The following PCDHGB1 variants were observed in gnomAD, a reference collection of about 807,000 sequenced individuals.
PCDHGB1 encodes protocadherin gamma-B1.
A neutral mutation model predicts 56.6 loss-of-function variants in PCDHGB1; 34 were observed. The observed-to-expected ratio is 0.60, with a 90% CI of 0.46 to 0.80. The LOEUF (loss-of-function observed/expected upper bound fraction) is 0.80. PCDHGB1 is among the 30% of genes least tolerant of loss of function. PCDHGB1 has a pLI of 0.00. For missense variants in PCDHGB1, 1,278 were observed against 1,204.6 expected, an observed-to-expected ratio of 1.06 and a Z score of -0.90; for synonymous variants, 561 against 505.9, an observed-to-expected ratio of 1.11 and a Z score of -1.46.
chr5:141,434,194 G>A (rs913533813), intron 1 of PCDHGB1, among the ~76,000 whole-genome samples: 7 of 152,190 alleles, frequency 4.6e-5, no homozygotes, highest in African/African-American at 4.8e-5. Flanking sequence ...TAATTCCAAT[G>A]TACTTACTTC....
At chr5:141,451,557 G>T (rs192150041) in intron 1 of PCDHGB1, among the ~76,000 whole-genome samples, 2 of 152,234 alleles carry the variant, frequency 1.3e-5, no homozygotes, top group East Asian at 3.9e-4. Context: ...TGTGATGAAA[G>T]CCACAATCTT....
intron 1 of PCDHGB1, among the ~76,000 whole-genome samples, chr5:141,369,682 A>G (rs979966381): frequency 2.0e-5 from 3 of 152,250 alleles, no homozygotes; most frequent in African/African-American, 7.2e-5. Flanking sequence ...AGTGAAACAT[A>G]GAATAAAACT....
At chr5:141,413,445 C>G (rs764464917) in intron 1 of PCDHGB1, 105 of 1,613,986 alleles carry the variant, frequency 6.5e-5, no homozygotes, top group Non-Finnish European at 8.5e-5. Context: ...GCTTGATCAC[C>G]GCGGGCAGGA....
chr5:141,505,362 G>A (rs766427680), intron 2 of PCDHGB1, 31 bp from the exon 3 acceptor site: 1 of 1,613,966 alleles, frequency 6.2e-7, no homozygotes, highest in Non-Finnish European at 8.5e-7. Flanking sequence ...CGGCCTGGGA[G>A]TCTGTGCTCA....
chr5:141,357,735 A>G, intron 1 of PCDHGB1: 2 of 1,327,896 alleles, frequency 1.5e-6, no homozygotes, highest in Non-Finnish European at 2.0e-6. Flanking sequence ...TTAATATTTT[A>G]TTGCTTTAAA....
In PCDHGB1 at chr5:141,398,686, G is replaced by A. The variant is rs2093688431; in HGVS notation, c.2409+46017G>A. On this transcript the variant is annotated intron_variant, in intron 1 of 3. Coordinates refer to ENST00000523390, the MANE Select transcript of PCDHGB1 (RefSeq NM_018922.3). ...CTCATTAATAATTAAGGAGAAACAG[G>A]ATGGTAGTAAATACCCGGAACTGGC... 3 of 1,613,920 alleles carry A rather than the reference G, an allele frequency of 1.9e-6. No individual in the cohort carries two copies. The East Asian group carries it at 6.7e-5, about 36-fold the overall frequency.
At chr5:141,366,851 G>T in intron 1 of PCDHGB1, 2 of 1,439,646 alleles carry the variant, frequency 1.4e-6, no homozygotes, top group Non-Finnish European at 1.9e-6. Context: ...GTAAATAGTG[G>T]AACATTATTT....
chr5:141,366,600 T>C, intron 1 of PCDHGB1: 2 of 1,614,036 alleles, frequency 1.2e-6, no homozygotes, highest in Non-Finnish European at 1.7e-6. Context: ...TCCCACGAGG[T>C]CTCCCTCACC....
chr5:141,422,172 C>A, intron 1 of PCDHGB1: 2 of 1,564,780 alleles, frequency 1.3e-6, no homozygotes, highest in Non-Finnish European at 1.7e-6. Context: ...AATATAGATT[C>A]TATGAGATGG....
At chr5:141,419,475 C>G (rs775720158) in intron 1 of PCDHGB1, 2 of 1,612,266 alleles carry the variant, frequency 1.2e-6, no homozygotes, top group Admixed American at 1.7e-5. Context: ...GACCAGGGCT[C>G]GCCCGCGCTC....
At chr5:141,501,557 G>A (rs192507373) in intron 2 of PCDHGB1, among the ~76,000 whole-genome samples, 1 of 152,124 alleles carries the variant, frequency 6.6e-6, no homozygotes, top group Non-Finnish European at 1.5e-5. Context: ...CATAGGCCCT[G>A]GAATCATATT....
intron 2 of PCDHGB1, among the ~76,000 whole-genome samples, chr5:141,497,809 G>A (rs1256990692): frequency 1.3e-5 from 2 of 152,190 alleles, no homozygotes. Context: ...CAAAGTGCTA[G>A]AATTACAGGT....
rs1365133001 is a variant in PCDHGB1 at position 141,477,683 on chromosome 5, G to A, written c.2410-17124G>A. ...TGACAATGGCATAGTGTCATCCTTA[G>A]TGCCCCTAGACTATGAGGATCGGCG... On this transcript the variant is annotated intron_variant, in intron 1 of 3. Transcript: ENST00000523390. This position sits in a 1 kb window ranked among gnomAD's most constrained non-coding sequence, Gnocchi z 4.9. 1.2e-6 allele frequency: 2 copies of A among 1,614,176 alleles called. No homozygotes were observed. The highest frequency in any genetic ancestry group is 3.3e-5 in the Admixed American group (2 of 60,028).
intron 1 of PCDHGB1, among the ~76,000 whole-genome samples, chr5:141,459,534 T>G (rs980917458): frequency 1.3e-5 from 2 of 151,990 alleles, no homozygotes; most frequent in African/African-American, 2.4e-5. Flanking sequence ...TGTAGGCATA[T>G]TTTTTTTATT....
At position 141,431,108 on chromosome 5, in the gene PCDHGB1, T is replaced by C; in HGVS notation, c.2410-63699T>C. 1 of 1,614,180 alleles carries C rather than the reference T, an allele frequency of 6.2e-7. No homozygotes were observed. The highest frequency in any genetic ancestry group is 8.5e-7 in the Non-Finnish European group (1 of 1,180,032). On this transcript the variant is annotated intron_variant, in intron 1 of 3. Coordinates refer to ENST00000523390, the MANE Select transcript of PCDHGB1 (RefSeq NM_018922.3). This position sits in a 1 kb window ranked among gnomAD's most constrained non-coding sequence, Gnocchi z 4.8. ...TCTGATGGAGGATAAAGTGAAAATATATGGAGTAGAAGTAGAAGTAAGGGA... is the reference window on the plus strand; with the variant it reads ...TCTGATGGAGGATAAAGTGAAAATACATGGAGTAGAAGTAGAAGTAAGGGA...
chr5:141,410,068 C>T (rs2095353806), intron 1 of PCDHGB1: 1 of 1,612,832 alleles, frequency 6.2e-7, no homozygotes, highest in Non-Finnish European at 8.5e-7. Context: ...TGGGGCTGCG[C>T]ACTGGGGAGG....
intron 1 of PCDHGB1, chr5:141,383,667 A>G (rs1167694570): frequency 1.9e-6 from 3 of 1,614,020 alleles, no homozygotes; most frequent in Non-Finnish European, 2.5e-6. Context: ...AGAATGTGCC[A>G]GTGGGTACAA....
chr5:141,413,517 G>A (rs1561743187), intron 1 of PCDHGB1: 1 of 1,613,946 alleles, frequency 6.2e-7, no homozygotes. Flanking sequence ...ATATCCTTGT[G>A]GAAGACAGGG....
At chr5:141,408,220 G>C (rs2095061412) in intron 1 of PCDHGB1, 1 of 1,558,876 alleles carries the variant, frequency 6.4e-7, no homozygotes, top group Non-Finnish European at 8.7e-7. Flanking sequence ...GGAGCTGCGC[G>C]CAGAGGCGCC....
Sources: allele counts gnomAD v4.1 joint callset (sites outside exome capture counted in the v4.1 genomes callset), GRCh38; gene constraint gnomAD v4.1.1; non-coding constraint Gnocchi (gnomAD v3.1); transcripts MANE v1.5; gene names NCBI Gene and HGNC (gene_info 2026-07-23, HGNC 2026-07-21).